Variants in RBPJL observed in about 807,000 individuals in gnomAD.
The protein encoded by RBPJL is recombination signal binding protein for immunoglobulin kappa J region like, also known as recombining binding protein suppressor of hairless-like protein.
Under a neutral mutation model 57.6 loss-of-function variants are expected in RBPJL, and 50 were observed. That is an observed-to-expected ratio of 0.87 (90% CI 0.69 to 1.10). RBPJL has a LOEUF of 1.10. Among genes scored for constraint, RBPJL ranks in the 50% least tolerant of loss-of-function variants. The pLI is 0.00. For synonymous variants in RBPJL, 303 were observed against 294.4 expected, an observed-to-expected ratio of 1.03 and a Z score of -0.30; for missense variants, 684 against 693.7, an observed-to-expected ratio of 0.99 and a Z score of 0.16.
intron 5 of RBPJL, 117 bp downstream of exon 5, chr20:45,312,071 G>C: frequency 6.9e-7 from 1 of 1,440,942 alleles, no homozygotes; most frequent in Non-Finnish European, 9.6e-7. Flanking sequence ...CCGGGAGGCC[G>C]GGGTCCTGCC....
At chr20:45,307,006 C>CG in intron 1 of RBPJL, 62 bp downstream of exon 1, 2 of 1,002,002 alleles carry the variant, frequency 2.0e-6, no homozygotes, top group East Asian at 3.3e-5. Flanking sequence ...GGACCACCCC[C>CG]CCACCCCCTC....
Position 45,316,463 on chromosome 20 carries a change from C to A in RBPJL, c.1177-14C>A. ...CTTGGTTCTCTCACCTCACCTGGTC[C>A]CACCCTCCCCCAGCTGAGCGGCGGG... On this transcript the variant is annotated splice_polypyrimidine_tract_variant and intron_variant, in intron 10 of 11. Transcript: ENST00000343694. The A allele has an allele frequency of 6.4e-7, 1 of 1,551,396 alleles. No individual in the cohort carries two copies. The highest frequency in any genetic ancestry group is 8.7e-7 in the Non-Finnish European group (1 of 1,147,054).
rs764168176 is a variant in RBPJL at position 45,308,243 on chromosome 20, T to A, written c.123T>A (p.Thr41=). The A allele has an allele frequency of 6.2e-7, 1 of 1,611,512 alleles. No homozygotes were observed. Among genetic ancestry groups the A allele is most frequent in the East Asian group, 2.2e-5 (1 of 44,872 alleles). Residue 41 remains threonine, a synonymous_variant, in exon 2 of 12, where the codon ACT becomes ACA. Coordinates refer to ENST00000343694, the MANE Select transcript of RBPJL (RefSeq NM_014276.4). ...CCGACAGGCGGAGCCTCCCGGGCAC[T>A]TGGACCAGGTAACGGCGGCGTGGCA... ...SEADRRSLPG[T]WTRSSPEHTT... is the part of the protein sequence containing the mutation.
intron 10 of RBPJL, 36 bp downstream of exon 10, chr20:45,316,378 C>A (rs1165715728): frequency 1.2e-6 from 2 of 1,610,930 alleles, no homozygotes; most frequent in Non-Finnish European, 1.7e-6. Flanking sequence ...GGCAGGGGGA[C>A]CCTGCCTGCA....
rs1319805929 is a variant in RBPJL, at chr20:45,316,192, T to C, written c.1026T>C (p.Ser342=). The change falls in exon 10 of 12, where the codon TCT becomes TCC. Residue 342 remains serine, a synonymous_variant. Transcript: ENST00000343694. ...ATEKVVQFQA[S]PCPKEANRAL... The stretch of plus-strand genomic sequence containing the variant: ...CCCCTTGGGTCTCCTCCCAGGCCTC[T>C]CCCTGCCCCAAGGAGGCGAACAGGG... 7.4e-6 allele frequency: 12 copies of C among 1,613,514 alleles called. No homozygotes were observed. The highest frequency in any genetic ancestry group is 1.0e-5 in the Non-Finnish European group (12 of 1,179,580).
At chr20:45,307,301 C>A (rs1224980376) in intron 1 of RBPJL, among the ~76,000 whole-genome samples, 1 of 152,188 alleles carries the variant, frequency 6.6e-6, no homozygotes. Flanking sequence ...TGCGCCTATT[C>A]TGAGCGAGGC....
Position 45,314,397 on chromosome 20 carries a change from C to T in RBPJL, c.868-16C>T, listed in dbSNP as rs200543333. 2 of 1,608,952 alleles carry T rather than the reference C, an allele frequency of 1.2e-6. No individual in the cohort carries two copies. The highest frequency in any genetic ancestry group is 8.5e-7 in the Non-Finnish European group (1 of 1,175,884). On this transcript the variant is annotated splice_polypyrimidine_tract_variant and intron_variant, in intron 8 of 11. Transcript: ENST00000343694. Reference sequence around the variant, plus strand: ...GGCTCCTTGCCACCACTGTTCTTACCATCCTTCCATTGCAGATCATCCGTA... The same window carrying T: ...GGCTCCTTGCCACCACTGTTCTTACTATCCTTCCATTGCAGATCATCCGTA...
Position 45,316,244 on chromosome 20 carries a change from A to T in RBPJL, c.1078A>T (p.Thr360Ser). Residue 360 changes from threonine to serine, a missense_variant, in exon 10 of 12, where the codon ACC (threonine) becomes TCC (serine). Physicochemically the swap from Thr to Ser is moderately conservative, Grantham distance 58. Coordinates refer to ENST00000343694, the MANE Select transcript of RBPJL (RefSeq NM_014276.4). ...RALLNDSSCW[T>S]IIGTESVEFS... ...TCTGCTTAACGACAGCTCTTGCTGG[A>T]CCATCATCGGCACCGAGTCGGTGGA... 5.6e-6 allele frequency: 9 copies of T among 1,614,240 alleles called. No homozygotes were observed. The highest frequency in any genetic ancestry group is 7.6e-6 in the Non-Finnish European group (9 of 1,180,030).
At chr20:45,312,417 C>A in intron 6 of RBPJL, 22 bp downstream of exon 6, 1 of 1,603,856 alleles carries the variant, frequency 6.2e-7, no homozygotes, top group Non-Finnish European at 8.5e-7. Flanking sequence ...GGGGCCTGAC[C>A]CCCGGCCCGG....
Position 45,316,357 on chromosome 20 carries a change from TA to T in RBPJL, c.1176+16del. ...GCACCCTAGAGGTGAAGCCGGGCGC[TA>T]GGGGCGTTGGGCAGGGGGACCCTGC... On this transcript the variant is annotated intron_variant, in intron 10 of 11. Coordinates refer to ENST00000343694, the MANE Select transcript of RBPJL (RefSeq NM_014276.4). 6.2e-7 allele frequency: 1 copy of T among 1,612,970 alleles called. No individual in the cohort carries two copies. Among genetic ancestry groups the T allele is most frequent in the Non-Finnish European group, 8.5e-7 (1 of 1,179,306 alleles).
In RBPJL at chr20:45,316,600, C is replaced by A. The variant is rs1224072403; in HGVS notation, c.1280+20C>A. On this transcript the variant is annotated intron_variant, in intron 11 of 11. Transcript: ENST00000343694. Reference sequence around the variant, plus strand: ...GTACAGGTACGGGGTGGTGAGGCAGCCTCTCTTGGGCCCCGGGGAGCAGGG... The same window carrying A: ...GTACAGGTACGGGGTGGTGAGGCAGACTCTCTTGGGCCCCGGGGAGCAGGG... 4.6e-6 allele frequency: 7 copies of A among 1,516,884 alleles called. No homozygotes were observed. Among genetic ancestry groups the A allele is most frequent in the Middle Eastern group, 2.0e-4 (1 of 4,976 alleles). The allele number at this position is 1,516,884 out of a possible 1,614,324, so 94.0% of individuals were successfully genotyped here.
chr20:45,314,176 C>A (rs1388618053), intron 8 of RBPJL, 32 bp downstream of exon 8: 5 of 1,557,606 alleles, frequency 3.2e-6, no homozygotes, highest in Non-Finnish European at 1.8e-6. Context: ...CTGGAGGGGT[C>A]CCCTCAGATC....
intron 2 of RBPJL, chr20:45,308,563 A>G (rs1600710692): frequency 2.5e-6 from 1 of 399,978 alleles, no homozygotes; most frequent in Non-Finnish European, 4.7e-6. Flanking sequence ...CTTAGAAGGC[A>G]CTTCCCTGAG....
chr20:45,311,484 G>A (rs1022668836), intron 3 of RBPJL, 105 bp from the exon 4 acceptor site: 2 of 1,016,032 alleles, frequency 2.0e-6, no homozygotes, highest in African/African-American at 1.6e-5. Context: ...GGGAGCGGGA[G>A]GAGGAAACGA....
intron 5 of RBPJL, 84 bp from the exon 6 acceptor site, chr20:45,312,137 C>G: frequency 6.3e-7 from 1 of 1,592,622 alleles, no homozygotes; most frequent in Non-Finnish European, 8.6e-7. Flanking sequence ...TCCGACGGGG[C>G]GGACGTCCGA....
At chr20:45,315,395 C>A (rs2145695826) in intron 9 of RBPJL, among the ~76,000 whole-genome samples, 1 of 144,632 alleles carries the variant, frequency 6.9e-6, no homozygotes, top group East Asian at 2.0e-4. Flanking sequence ...TAGAATTGCA[C>A]AATGTTAAAA....
chr20:45,315,909 G>C, intron 9 of RBPJL: 1 of 354,590 alleles, frequency 2.8e-6, no homozygotes, highest in East Asian at 4.1e-5. Context: ...GGAAAAAAGA[G>C]AGAGAAAGGG....
chr20:45,312,934 A>C (rs1289064357), intron 6 of RBPJL, among the ~76,000 whole-genome samples: 2 of 151,842 alleles, frequency 1.3e-5, no homozygotes, highest in Non-Finnish European at 2.9e-5. Context: ...CTTGAACCCA[A>C]GAGGTCGAGG....
intron 3 of RBPJL, among the ~76,000 whole-genome samples, chr20:45,311,185 AAG>A (rs889070172): frequency 2.7e-5 from 4 of 150,112 alleles, no homozygotes; most frequent in African/African-American, 4.9e-5. Flanking sequence ...AAAAGAAAGA[AAG>A]AGAGAGGAAG....
Sources: allele counts gnomAD v4.1 joint callset (sites outside exome capture counted in the v4.1 genomes callset), GRCh38; gene constraint gnomAD v4.1.1; transcripts MANE v1.5; gene names NCBI Gene and HGNC (gene_info 2026-07-23, HGNC 2026-07-21).